The following POLR3B variants were observed in gnomAD, a reference collection of about 807,000 sequenced individuals.
POLR3B encodes DNA-directed RNA polymerase III subunit RPC2.
Under a neutral mutation model 147.4 loss-of-function variants are expected in POLR3B, and 96 were observed. The ratio of observed to expected loss-of-function variants is 0.65; its 90% confidence interval spans 0.55 to 0.77. The LOEUF is 0.77. POLR3B is among the 30% of genes least tolerant of loss of function. The pLI is 0.00. For synonymous variants in POLR3B, 461 were observed against 485.9 expected, an observed-to-expected ratio of 0.95 and a Z score of 0.67; for missense variants, 1,036 against 1,413.5, an observed-to-expected ratio of 0.73 and a Z score of 4.28.
chr12:106,409,409 T>C (rs980460014), intron 11 of POLR3B, among the ~76,000 whole-genome samples: 5 of 133,042 alleles, frequency 3.8e-5, no homozygotes, highest in African/African-American at 8.8e-5. Context: ...TTTAAAGACC[T>C]TCTTATTGAT....
chr12:106,365,197 T>C (rs2036517517), intron 2 of POLR3B, among the ~76,000 whole-genome samples: 1 of 152,054 alleles, frequency 6.6e-6, no homozygotes, highest in Non-Finnish European at 1.5e-5. Context: ...TAGAGTTCAG[T>C]TGCGTGTTAT....
chr12:106,376,700 C>T (rs1430874389), intron 7 of POLR3B, among the ~76,000 whole-genome samples: 3 of 151,782 alleles, frequency 2.0e-5, no homozygotes, highest in Admixed American at 6.6e-5. Context: ...TCACTGCAAC[C>T]TCTGCCTCCC....
Position 106,405,849 on chromosome 12 carries a change from T to C in POLR3B, c.847-8T>C. 1 of 1,612,898 alleles carries C rather than the reference T, an allele frequency of 6.2e-7. No homozygotes were observed. The highest frequency in any genetic ancestry group is 8.5e-7 in the Non-Finnish European group (1 of 1,179,028). On this transcript the variant is annotated splice_region_variant and splice_polypyrimidine_tract_variant and intron_variant, in intron 10 of 27. Transcript: ENST00000228347. Reference sequence around the variant, plus strand: ...CATTCAAACATTATTGTAATCTGTTTTTTATAGGCATTAAAATATATAGGG... The same window carrying C: ...CATTCAAACATTATTGTAATCTGTTCTTTATAGGCATTAAAATATATAGGG...
intron 21 of POLR3B, among the ~76,000 whole-genome samples, 153 bp from the exon 22 acceptor site, chr12:106,459,098 C>G (rs2037901685): frequency 6.6e-6 from 1 of 152,240 alleles, no homozygotes; most frequent in East Asian, 1.9e-4. Context: ...ATGACCATAG[C>G]TCACTGCAGC....
At chr12:106,481,699 A>T (rs1485110268) in intron 23 of POLR3B, among the ~76,000 whole-genome samples, 5 of 152,184 alleles carry the variant, frequency 3.3e-5, no homozygotes, top group Non-Finnish European at 7.3e-5. Flanking sequence ...TAATTTTTTT[A>T]AACTCAGTGA....
chr12:106,507,802 TTTTC>T (rs1196189275), intron 27 of POLR3B: 2 of 456,012 alleles, frequency 4.4e-6, no homozygotes, highest in Admixed American at 2.3e-5. Flanking sequence ...CAGTTCTTGC[TTTTC>T]TTTTCTAAAA....
intron 12 of POLR3B, among the ~76,000 whole-genome samples, chr12:106,420,424 T>C (rs754331886): frequency 1.4e-4 from 22 of 152,206 alleles, no homozygotes; most frequent in Admixed American, 7.9e-4. Context: ...GGTCTTTCTC[T>C]GAGTTTCAGC....
intron 21 of POLR3B, 113 bp downstream of exon 21, chr12:106,457,409 C>A: frequency 1.2e-6 from 1 of 823,982 alleles, no homozygotes; most frequent in Non-Finnish European, 2.0e-6. Flanking sequence ...CCTATAAAAC[C>A]ACCATCCAAA....
chr12:106,371,876 A>C (rs1417109324), intron 6 of POLR3B, among the ~76,000 whole-genome samples: 1 of 151,810 alleles, frequency 6.6e-6, no homozygotes, highest in Non-Finnish European at 1.5e-5. Context: ...CCAGCATGGC[A>C]CATGTATACA....
chr12:106,427,134 T>G, intron 12 of POLR3B, 63 bp from the exon 13 acceptor site: 6 of 1,104,930 alleles, frequency 5.4e-6, no homozygotes, highest in Non-Finnish European at 7.8e-6. Flanking sequence ...GACCTAAAAT[T>G]TATTAAAATA....
chr12:106,437,194 G>A (rs1593040938), intron 17 of POLR3B, 63 bp downstream of exon 17: 3 of 1,122,120 alleles, frequency 2.7e-6, no homozygotes, highest in Non-Finnish European at 2.7e-6. Flanking sequence ...TTTAAGAAAA[G>A]TGTATTTTCA....
Position 106,509,613 on chromosome 12 carries a change from G to A in POLR3B, c.*64G>A. 7.0e-7 allele frequency: 1 copy of A among 1,436,572 alleles called. No individual in the cohort carries two copies. The highest frequency in any genetic ancestry group is 2.3e-5 in the East Asian group (1 of 43,060). 89.0% of individuals were successfully genotyped at this position (1,436,572 alleles called of 1,614,324 possible). On this transcript the variant is annotated 3_prime_UTR_variant, in exon 28 of 28. Transcript: ENST00000228347. ...ATCCAATGCAACGGAAAGCAGAAGG[G>A]ATTTAGGACTACGTCTCCTCCTGTG...
In POLR3B at chr12:106,415,785, T is replaced by TA. The variant is rs1057129717; in HGVS notation, c.1101+4832dup. Among the ~76,000 whole-genome samples the TA allele has an allele frequency of 7.9e-5, 12 of 152,228 alleles. No homozygotes were observed. The East Asian group carries it at 1.4e-3, about 17-fold the overall frequency. ...GCAGAAGTCATTCTTAGTAAACATT[T>TA]AAAAAAATAGCATAGCAAAAAGAAT... is the stretch of plus-strand genomic sequence containing the variant. On this transcript the variant is annotated intron_variant, in intron 12 of 27. Coordinates refer to ENST00000228347, the MANE Select transcript of POLR3B (RefSeq NM_018082.6).
At position 106,509,500 on chromosome 12, in the gene POLR3B, A is replaced by G; in HGVS notation, c.3353A>G (p.Gln1118Arg). The change falls in exon 28 of 28, where the codon CAG becomes CGG. Residue 1118 changes from glutamine to arginine, a missense_variant. By Grantham distance (43) the Gln-to-Arg change is conservative. Coordinates refer to ENST00000228347, the MANE Select transcript of POLR3B (RefSeq NM_018082.6). ...YACKLLFQEL[Q>R]SMNIIPRLKL... ...TGCAAGCTGCTCTTCCAGGAACTAC[A>G]GTCTATGAACATCATCCCCAGGTTA... 6.2e-7 allele frequency: 1 copy of G among 1,613,292 alleles called. No individual in the cohort carries two copies. The highest frequency in any genetic ancestry group is 8.5e-7 in the Non-Finnish European group (1 of 1,179,250).
intron 1 of POLR3B, among the ~76,000 whole-genome samples, chr12:106,360,367 CT>C (rs1397902065): frequency 6.6e-6 from 1 of 152,154 alleles, no homozygotes; most frequent in Non-Finnish European, 1.5e-5. Flanking sequence ...TGGTTCCCCC[CT>C]CTCCCTCCCC....
intron 23 of POLR3B, among the ~76,000 whole-genome samples, chr12:106,489,338 A>C (rs975985841): frequency 6.6e-6 from 1 of 152,240 alleles, no homozygotes; most frequent in African/African-American, 2.4e-5. Context: ...TTAATGGTTT[A>C]GTCTGCCTAT....
At chr12:106,378,437 C>T in intron 8 of POLR3B, 53 bp downstream of exon 8, 1 of 1,064,954 alleles carries the variant, frequency 9.4e-7, no homozygotes, top group Non-Finnish European at 1.5e-6. Flanking sequence ...TCCATTAGTC[C>T]TAAATGGCTA....
intron 27 of POLR3B, among the ~76,000 whole-genome samples, chr12:106,506,917 G>A (rs765139631): frequency 6.6e-6 from 1 of 152,164 alleles, no homozygotes; most frequent in Non-Finnish European, 1.5e-5. Context: ...GAGCATGGGC[G>A]TCGTTGGAGG....
chr12:106,452,696 G>A (rs1041871154), intron 19 of POLR3B, among the ~76,000 whole-genome samples: 5 of 152,140 alleles, frequency 3.3e-5, no homozygotes, highest in African/African-American at 1.2e-4. Context: ...AACAGTAAGT[G>A]ATCTATTGCC....
Sources: allele counts gnomAD v4.1 joint callset (sites outside exome capture counted in the v4.1 genomes callset), GRCh38; gene constraint gnomAD v4.1.1; transcripts MANE v1.5; gene names NCBI Gene and HGNC (gene_info 2026-07-23, HGNC 2026-07-21).